SYT1: variants seen among roughly 807,000 people sequenced by gnomAD.
The protein encoded by SYT1 is synaptotagmin-1.
A neutral mutation model predicts 44.8 loss-of-function variants in SYT1; 8 were observed. The ratio of observed to expected loss-of-function variants is 0.18; its 90% CI spans 0.10 to 0.32. The LOEUF (loss-of-function observed/expected upper bound fraction) is 0.32. SYT1 is among the 10% of genes least tolerant of loss of function. The pLI, the probability that SYT1 is intolerant of heterozygous loss-of-function variation, is 1.00. For missense variants in SYT1, 286 were observed against 509.3 expected, an observed-to-expected ratio of 0.56 and a Z score of 4.22; for synonymous variants, 154 against 188.8, an observed-to-expected ratio of 0.82 and a Z score of 1.51.
chr12:78,872,394 C>T (rs1468102076), intron 1 of SYT1, among the ~76,000 whole-genome samples: 1 of 151,736 alleles, frequency 6.6e-6, no homozygotes, highest in Admixed American at 6.6e-5. Flanking sequence ...GAATCTGTTT[C>T]ATCATTTATA....
intron 1 of SYT1, among the ~76,000 whole-genome samples, chr12:78,969,509 G>A (rs1271025667): frequency 2.0e-5 from 3 of 152,150 alleles, no homozygotes; most frequent in Admixed American, 1.3e-4. Context: ...AGCAGTTTGA[G>A]GAGGACAGAG....
At chr12:79,123,309 A>ATGTGTGTGTGTGTGTGTGTG (rs66869713) in intron 3 of SYT1, among the ~76,000 whole-genome samples, 86 of 141,630 alleles carry the variant, frequency 6.1e-4, no homozygotes, top group African/African-American at 2.0e-3. Context: ...TAAAAATGCA[A>ATGTGTGTGTGTGTGTGTGTG]TGTGTGTGTG....
intron 3 of SYT1, among the ~76,000 whole-genome samples, chr12:79,055,524 G>C (rs1485854267): frequency 6.6e-6 from 1 of 151,916 alleles, no homozygotes; most frequent in African/African-American, 2.4e-5. Flanking sequence ...CCAGGGTTTT[G>C]CCTTGGGTTG....
chr12:79,443,039 G>A (rs1326501199), intron 9 of SYT1, among the ~76,000 whole-genome samples: 1 of 152,106 alleles, frequency 6.6e-6, no homozygotes, highest in Non-Finnish European at 1.5e-5. Context: ...TGACCTGAAG[G>A]TACAACATTC....
chr12:79,011,767 G>A (rs1410185208), intron 2 of SYT1, among the ~76,000 whole-genome samples: 2 of 151,558 alleles, frequency 1.3e-5, no homozygotes, highest in Non-Finnish European at 2.9e-5. Context: ...CTCCCTGGGT[G>A]TTTCATATAT....
chr12:79,106,465 G>A (rs1358782614), intron 3 of SYT1, among the ~76,000 whole-genome samples: 1 of 150,536 alleles, frequency 6.6e-6, no homozygotes, highest in African/African-American at 2.4e-5. Context: ...TCAGTTTATG[G>A]CATGGCAAAC....
chr12:79,175,205 A>T (rs1342664669), intron 3 of SYT1, among the ~76,000 whole-genome samples: 10 of 152,080 alleles, frequency 6.6e-5, no homozygotes, highest in African/African-American at 2.4e-4. Context: ...TTTAGTTCTA[A>T]TAGAAACACA....
intron 1 of SYT1, among the ~76,000 whole-genome samples, chr12:78,945,487 T>TAC (rs1353267402): frequency 1.4e-5 from 2 of 146,168 alleles, no homozygotes; most frequent in Non-Finnish European, 3.0e-5. Context: ...TATATATATA[T>TAC]ACACATTTCT....
chr12:79,207,406 G>A lies in SYT1; in HGVS notation c.-17-10097G>A, dbSNP rs576607943. Among the ~76,000 whole-genome samples the A allele has an allele frequency of 4.6e-5, 7 of 152,286 alleles. 1 individual carries two copies. Among genetic ancestry groups the A allele is most frequent in the African/African-American group, 1.2e-4 (5 of 41,546 alleles). ...TTTTAGGTTCCAGGATACATGTACA[G>A]GACATGCAGCTTTGTTACATAGGTA... On this transcript the variant is annotated intron_variant, in intron 3 of 10. Transcript: ENST00000261205.
At chr12:78,930,718 A>T (rs931830851) in intron 1 of SYT1, among the ~76,000 whole-genome samples, 6 of 151,668 alleles carry the variant, frequency 4.0e-5, no homozygotes, top group African/African-American at 1.5e-4. Context: ...TGCAAGCAAA[A>T]TTTGATCTAC....
intron 1 of SYT1, among the ~76,000 whole-genome samples, chr12:78,967,266 A>G (rs1868271601): frequency 6.6e-6 from 1 of 152,194 alleles, no homozygotes; most frequent in Admixed American, 6.5e-5. Context: ...ATTTGAAAGG[A>G]TAAAGTAAGT....
chr12:79,079,929 G>C (rs1876914541), intron 3 of SYT1, among the ~76,000 whole-genome samples: 3 of 152,022 alleles, frequency 2.0e-5, no homozygotes. Flanking sequence ...CTTTTACATA[G>C]CTGCTGATTG....
At chr12:79,199,283 C>A (rs540906974) in intron 3 of SYT1, among the ~76,000 whole-genome samples, 1 of 152,242 alleles carries the variant, frequency 6.6e-6, no homozygotes, top group Admixed American at 6.5e-5. Flanking sequence ...CTCTCTAACA[C>A]CCTCTGCAAA....
intron 1 of SYT1, among the ~76,000 whole-genome samples, chr12:78,973,862 T>G (rs1356373496): frequency 7.4e-6 from 1 of 135,592 alleles, no homozygotes; most frequent in East Asian, 2.3e-4. Context: ...AAAAAAAAAT[T>G]AACTCTTGTA....
intron 3 of SYT1, among the ~76,000 whole-genome samples, chr12:79,068,841 C>T (rs1176929882): frequency 6.6e-6 from 1 of 152,068 alleles, no homozygotes; most frequent in Admixed American, 6.6e-5. Context: ...TCATGAGATC[C>T]ATGTGGGAAA....
At chr12:79,415,267 A>G (rs1231544671) in intron 9 of SYT1, among the ~76,000 whole-genome samples, 1 of 152,170 alleles carries the variant, frequency 6.6e-6, no homozygotes, top group African/African-American at 2.4e-5. Flanking sequence ...GAAATTTTTC[A>G]TACATGTGCA....
intron 1 of SYT1, among the ~76,000 whole-genome samples, chr12:78,935,636 A>T (rs1878011479): frequency 1.3e-5 from 2 of 152,108 alleles, no homozygotes; most frequent in South Asian, 4.1e-4. Context: ...TAAAATAAAT[A>T]AAATAAAATA....
chr12:79,316,466 CAT>C (rs1352344970), intron 8 of SYT1, among the ~76,000 whole-genome samples: 20 of 152,172 alleles, frequency 1.3e-4, no homozygotes, highest in East Asian at 7.7e-4. Flanking sequence ...TTTCTGTGGA[CAT>C]ATGCTTTCAT....
At chr12:79,152,947 C>T (rs926039961) in intron 3 of SYT1, among the ~76,000 whole-genome samples, 1 of 150,858 alleles carries the variant, frequency 6.6e-6, no homozygotes, top group African/African-American at 2.4e-5. Context: ...TATTATTATC[C>T]TTCTCATTTA....
Sources: gnomAD v4.1 joint callset for allele counts (sites outside exome capture counted in the v4.1 genomes callset) on GRCh38, gnomAD v4.1.1 for gene constraint, MANE v1.5 for transcripts, NCBI Gene and HGNC (gene_info 2026-07-23, HGNC 2026-07-21) for gene names.